STK38L: variants seen among roughly 807,000 people sequenced by gnomAD.
STK38L encodes the protein serine/threonine kinase 38 like.
STK38L carries 28 observed loss-of-function variants against 59.7 expected under a neutral mutation model. That is an observed-to-expected ratio of 0.47 (90% CI 0.35 to 0.64). The LOEUF (loss-of-function observed/expected upper bound fraction) is 0.64, where lower values mean the gene tolerates loss of function less well. Among genes scored for constraint, STK38L ranks in the 30% least tolerant of loss-of-function variants. STK38L has a pLI of 0.01. For synonymous variants in STK38L, 162 were observed against 176.8 expected (o/e 0.92, Z 0.66); for missense variants, 314 against 555.8 (o/e 0.56, Z 4.37).
At chr12:27,253,604 G>A (rs990281249) in intron 1 of STK38L, among the ~76,000 whole-genome samples, 1 of 152,186 alleles carries the variant, frequency 6.6e-6, no homozygotes. Flanking sequence ...CTGCAATCAG[G>A]CATAGCAGCT....
intron 1 of STK38L, among the ~76,000 whole-genome samples, chr12:27,260,801 C>A (rs975496542): frequency 6.6e-6 from 1 of 152,114 alleles, no homozygotes; most frequent in Non-Finnish European, 1.5e-5. Context: ...TCCATAAGGG[C>A]TGGTATTTTG....
At chr12:27,267,780 A>T (rs1003648000) in intron 1 of STK38L, among the ~76,000 whole-genome samples, 21 of 152,184 alleles carry the variant, frequency 1.4e-4, no homozygotes, top group Admixed American at 1.0e-3. Flanking sequence ...TTGTTAGAGT[A>T]TGAAGTGGTA....
intron 1 of STK38L, among the ~76,000 whole-genome samples, chr12:27,296,144 C>T (rs928889617): frequency 6.6e-6 from 1 of 151,946 alleles, no homozygotes; most frequent in African/African-American, 2.4e-5. Context: ...ATCTTAAATC[C>T]TCAGGAGAAA....
Position 27,317,880 on chromosome 12 carries a change from T to C in STK38L, c.956-16T>C. On this transcript the variant is annotated splice_polypyrimidine_tract_variant and intron_variant, in intron 10 of 13. Transcript: ENST00000389032. ...CACAAAGCTGATGAAACATTTTTGA[T>C]TTATTTGATACATAGGATATCCACC... 6.2e-7 allele frequency: 1 copy of C among 1,611,232 alleles called. No homozygotes were observed. Among genetic ancestry groups the C allele is most frequent in the Non-Finnish European group, 8.5e-7 (1 of 1,179,214 alleles).
chr12:27,322,106 A>G, intron 12 of STK38L, 37 bp from the exon 13 acceptor site: 1 of 1,572,638 alleles, frequency 6.4e-7, no homozygotes, highest in Non-Finnish European at 8.7e-7. Flanking sequence ...TGAGAGTTCA[A>G]GAAAAGTTAC....
chr12:27,311,114 T>C (rs1352606724), intron 5 of STK38L, among the ~76,000 whole-genome samples: 2 of 152,204 alleles, frequency 1.3e-5, no homozygotes, highest in Non-Finnish European at 2.9e-5. Flanking sequence ...CTTTAAACCA[T>C]TTAAAAATAA....
Position 27,308,673 on chromosome 12 carries a change from G to C in STK38L, c.309+212G>C, listed in dbSNP as rs966198620. Among the ~76,000 whole-genome samples the C allele has an allele frequency of 3.3e-5, 5 of 151,588 alleles. No homozygotes were observed. Among genetic ancestry groups the C allele is most frequent in the African/African-American group, 1.2e-4 (5 of 41,264 alleles). ...CGTCTCTATAAAAATACAAAAATTA[G>C]CTGGGCGTGGTGGTGGGCACCTGTA... On this transcript the variant is annotated intron_variant, in intron 4 of 13. Transcript: ENST00000389032. This position sits in a 1 kb window ranked among gnomAD's most constrained non-coding sequence, Gnocchi z 4.5.
intron 1 of STK38L, among the ~76,000 whole-genome samples, chr12:27,284,809 G>A (rs1424029755): frequency 6.6e-6 from 1 of 152,152 alleles, no homozygotes; most frequent in Non-Finnish European, 1.5e-5. Context: ...TAATGATAAA[G>A]GTCATTACCA....
intron 1 of STK38L, among the ~76,000 whole-genome samples, chr12:27,267,036 A>C (rs1565528278): frequency 2.0e-5 from 3 of 152,204 alleles, no homozygotes; most frequent in African/African-American, 4.8e-5. Flanking sequence ...AGTTTGACTC[A>C]ATTTTACAGT....
intron 1 of STK38L, among the ~76,000 whole-genome samples, chr12:27,288,493 A>G (rs1356622802): frequency 6.6e-6 from 1 of 152,052 alleles, no homozygotes; most frequent in Admixed American, 6.5e-5. Flanking sequence ...TGGGTGCACT[A>G]GCTATCATCT....
At position 27,297,856 on chromosome 12, in the gene STK38L, T is replaced by TATAGTA. The variant is rs1329232593; in HGVS notation, c.134+4_134+9dup. 6.2e-7 allele frequency: 1 copy of TATAGTA among 1,613,938 alleles called. No individual in the cohort carries two copies. The highest frequency in any genetic ancestry group is 1.1e-5 in the South Asian group (1 of 91,074). ...ACAGCATGAAGAGAGAGAAACCAGG[T>TATAGTA]ATAGTAAGGGCTAATCAAAACTTTT... On this transcript the variant is annotated splice_region_variant and intron_variant, in intron 2 of 13. Coordinates refer to ENST00000389032, the MANE Select transcript of STK38L (RefSeq NM_015000.4).
In STK38L at chr12:27,312,561, C is replaced by T. The variant is rs1372876016; in HGVS notation, c.406C>T (p.Arg136Ter). 5.6e-6 allele frequency: 9 copies of T among 1,613,108 alleles called. No individual in the cohort carries two copies. Among genetic ancestry groups the T allele is most frequent in the South Asian group, 1.1e-5 (1 of 90,882 alleles). The change falls in exon 6 of 14, where the codon CGA becomes TGA. Residue 136 changes from arginine to a stop codon, truncating the protein, a stop_gained. Transcript: ENST00000389032. LOFTEE classifies it high-confidence loss of function. ...TATATTCATCTAGGTGGCCCATATC[C>T]GAGCAGAAAGAGATATTTTGGTAGA... The part of the protein sequence containing the change: ...MLEKEQVAHI[R>*]AERDILVEAD...
In STK38L at chr12:27,324,816, T is replaced by A. The variant is rs2136656258; in HGVS notation, c.*2361T>A. 1 of 152,236 alleles carries A rather than the reference T, an allele frequency of 6.6e-6. No homozygotes were observed. The highest frequency in any genetic ancestry group is 2.4e-5 in the African/African-American group (1 of 41,578). 9.4% of individuals were successfully genotyped at this position (152,236 alleles called of 1,614,324 possible). On this transcript the variant is annotated 3_prime_UTR_variant, in exon 14 of 14. Transcript: ENST00000389032. ...TGATTCATGATGCAAATTAACTAGA[T>A]AATTTGCAAAGTACCCTTGAGATTG...
At position 27,315,308 on chromosome 12, in the gene STK38L, A is replaced by G; in HGVS notation, c.795A>G (p.Ser265=). 2 of 1,613,722 alleles carry G rather than the reference A, an allele frequency of 1.2e-6. No individual in the cohort carries two copies. The highest frequency in any genetic ancestry group is 1.7e-6 in the Non-Finnish European group (2 of 1,179,758). The change falls in exon 9 of 14, where the codon TCA becomes TCG. Residue 265 remains serine, a synonymous_variant. Transcript: ENST00000389032. ...AATTAGCATTTCAGAACATGAACTC[A>G]AAGAGGAAAGCAGAAACTTGGAAGA... is the stretch of plus-strand genomic sequence containing the variant. ...PSDFSFQNMN[S]KRKAETWKKN...
intron 1 of STK38L, among the ~76,000 whole-genome samples, chr12:27,255,874 T>C (rs1040840673): frequency 1.3e-5 from 2 of 152,198 alleles, no homozygotes; most frequent in African/African-American, 4.8e-5. Flanking sequence ...TATCACCACC[T>C]TTGGTGTGTT....
chr12:27,294,687 T>C (rs537795402), intron 1 of STK38L, among the ~76,000 whole-genome samples: 1 of 151,684 alleles, frequency 6.6e-6, no homozygotes, highest in Non-Finnish European at 1.5e-5. Flanking sequence ...ACACGATCCC[T>C]GTTTCACTTT....
chr12:27,262,684 G>A (rs1002347130), intron 1 of STK38L, among the ~76,000 whole-genome samples: 3 of 140,918 alleles, frequency 2.1e-5, no homozygotes, highest in Non-Finnish European at 4.6e-5. Context: ...CAGCCTGGGT[G>A]ATGGAGTGGG....
rs145067018 is a variant in STK38L, at chr12:27,251,583, G to T, written c.-12+7251G>T. Among the ~76,000 whole-genome samples the T allele has an allele frequency of 3.3e-5, 5 of 152,148 alleles. No individual in the cohort carries two copies. The East Asian group carries it at 9.6e-4, about 29-fold the overall frequency. ...GAGTAAAAGCTGCTACAAGCAAATC[G>T]TTCACTAAGGCCTCTACAAAATTAG... On this transcript the variant is annotated intron_variant, in intron 1 of 13. Transcript: ENST00000389032.
chr12:27,268,777 C>T (rs1302194924), intron 1 of STK38L, among the ~76,000 whole-genome samples: 1 of 152,092 alleles, frequency 6.6e-6, no homozygotes, highest in Non-Finnish European at 1.5e-5. Flanking sequence ...CTCTCCAGCA[C>T]CTGTTGTTTC....
Sources: allele counts gnomAD v4.1 joint callset (sites outside exome capture counted in the v4.1 genomes callset), GRCh38; gene constraint gnomAD v4.1.1; non-coding constraint Gnocchi (gnomAD v3.1); transcripts MANE v1.5; gene names NCBI Gene and HGNC (gene_info 2026-07-23, HGNC 2026-07-21).